Variants in FNDC3B observed in about 807,000 individuals in gnomAD.
FNDC3B encodes the protein fibronectin type III domain containing 3B.
In FNDC3B, 12 loss-of-function variants were observed where a neutral mutation model predicts 151.5. The observed-to-expected ratio is 0.08, with a 90% CI of 0.05 to 0.13. The LOEUF (loss-of-function observed/expected upper bound fraction) is 0.13. Ranked by LOEUF, FNDC3B falls within the 10% of genes least tolerant of loss-of-function variation. The probability of loss-of-function intolerance (pLI) is 1.00; values close to 1 mark genes in which losing one functional copy is unlikely to be tolerated. For synonymous variants in FNDC3B, 528 were observed against 549.0 expected (o/e 0.96, Z 0.54); for missense variants, 1,214 against 1,505.3 (o/e 0.81, Z 3.20).
At chr3:172,185,008 C>T (rs914990032) in intron 3 of FNDC3B, among the ~76,000 whole-genome samples, 10 of 152,056 alleles carry the variant, frequency 6.6e-5, no homozygotes, top group African/African-American at 2.2e-4. Flanking sequence ...TGGAAGTCAC[C>T]GTCTTAAGTG....
intron 7 of FNDC3B, among the ~76,000 whole-genome samples, chr3:172,289,886 G>A (rs950465291): frequency 6.6e-6 from 1 of 152,178 alleles, no homozygotes; most frequent in Non-Finnish European, 1.5e-5. Context: ...TCATTTCTTT[G>A]TGCCTCAGTT....
intron 9 of FNDC3B, among the ~76,000 whole-genome samples, chr3:172,305,058 T>C (rs2108239870): frequency 6.6e-6 from 1 of 152,320 alleles, no homozygotes; most frequent in East Asian, 1.9e-4. Context: ...AAGTAGATAG[T>C]AGTTTAGATA....
intron 3 of FNDC3B, among the ~76,000 whole-genome samples, chr3:172,183,289 C>T (rs1184799575): frequency 6.6e-6 from 1 of 152,208 alleles, no homozygotes; most frequent in African/African-American, 2.4e-5. Flanking sequence ...CTCCCAATTT[C>T]ACTTCCAGAG....
At chr3:172,237,679 G>A (rs1727238347) in intron 4 of FNDC3B, 1 of 152,100 alleles carries the variant, frequency 6.6e-6, no homozygotes, top group Admixed American at 6.6e-5. Context: ...AAAACTCTGG[G>A]GACTTTTTGT....
chr3:172,347,119 T>C, intron 20 of FNDC3B, 93 bp from the exon 21 acceptor site: 1 of 1,102,498 alleles, frequency 9.1e-7, no homozygotes, highest in Non-Finnish European at 1.3e-6. Context: ...TGGGGCATGT[T>C]GCTCTCTTTC....
intron 11 of FNDC3B, among the ~76,000 whole-genome samples, chr3:172,317,478 C>T (rs571789662): frequency 3.3e-5 from 5 of 152,262 alleles, no homozygotes; most frequent in Admixed American, 1.3e-4. Flanking sequence ...GCCACCACGC[C>T]CGGCCGGGGA....
chr3:172,400,023 C>G lies in FNDC3B; in HGVS notation c.*2548C>G, dbSNP rs1560118165. The G allele has an allele frequency of 6.6e-6, 1 of 152,602 alleles. No individual in the cohort carries two copies. The highest frequency in any genetic ancestry group is 2.4e-5 in the African/African-American group (1 of 41,438). 9.5% of individuals were successfully genotyped at this position (152,602 alleles called of 1,614,324 possible). ...TATTCCTTCAGTCAGAAAATTATTA[C>G]TCTCTATGGCACTGTTTTTTATCAC... On this transcript the variant is annotated 3_prime_UTR_variant, in exon 26 of 26. Transcript: ENST00000415807.
chr3:172,120,219 T>C (rs919776844), intron 2 of FNDC3B, among the ~76,000 whole-genome samples: 1 of 152,162 alleles, frequency 6.6e-6, no homozygotes, highest in Non-Finnish European at 1.5e-5. Context: ...AGATATAAGA[T>C]GTAGTCAGTA....
intron 1 of FNDC3B, among the ~76,000 whole-genome samples, chr3:172,098,661 AAAAC>A (rs1227741305): frequency 2.0e-5 from 3 of 152,206 alleles, no homozygotes; most frequent in African/African-American, 7.2e-5. Flanking sequence ...TTTTTAAAGA[AAAAC>A]AAAGCAATAC....
chr3:172,387,495 T>C (rs1380606870), intron 25 of FNDC3B, among the ~76,000 whole-genome samples: 1 of 152,218 alleles, frequency 6.6e-6, no homozygotes, highest in African/African-American at 2.4e-5. Context: ...TTTTTATTTC[T>C]GCATGAATAA....
rs141592683 is a variant in FNDC3B at position 172,319,024 on chromosome 3, G to A, written c.1254+8143G>A. ...AGTCTCAGAGATCCACACACCTGTAGCAGATTCTCTGCCTTCTCTCTTTTA... is the reference window on the plus strand; with the variant it reads ...AGTCTCAGAGATCCACACACCTGTAACAGATTCTCTGCCTTCTCTCTTTTA... On this transcript the variant is annotated intron_variant, in intron 11 of 25. Transcript: ENST00000415807. 1.3e-4 allele frequency among the ~76,000 whole-genome samples: 20 copies of A among 152,326 alleles called. No homozygotes were observed. In the East Asian group the frequency reaches 3.7e-3, roughly 28 times the overall value.
intron 3 of FNDC3B, among the ~76,000 whole-genome samples, chr3:172,215,813 A>C (rs1316849651): frequency 6.6e-6 from 1 of 152,170 alleles, no homozygotes; most frequent in Non-Finnish European, 1.5e-5. Context: ...TTTCTCTACA[A>C]AATGAGTAAA....
intron 2 of FNDC3B, among the ~76,000 whole-genome samples, chr3:172,117,315 G>T (rs1720308086): frequency 6.6e-6 from 1 of 152,136 alleles, no homozygotes; most frequent in African/African-American, 2.4e-5. Flanking sequence ...TATTATAAAT[G>T]ATGATGAATG....
chr3:172,239,180 A>C (rs1306565527), intron 4 of FNDC3B, among the ~76,000 whole-genome samples: 1 of 152,068 alleles, frequency 6.6e-6, no homozygotes, highest in African/African-American at 2.4e-5. Context: ...ACAGATGTGT[A>C]GTCCAAGCTA....
intron 3 of FNDC3B, among the ~76,000 whole-genome samples, chr3:172,213,916 G>T (rs1194956423): frequency 6.6e-6 from 1 of 152,272 alleles, no homozygotes; most frequent in Admixed American, 6.5e-5. Context: ...GTAGATGAAG[G>T]GTTGGTTTTT....
intron 3 of FNDC3B, among the ~76,000 whole-genome samples, chr3:172,141,904 G>T (rs1409435207): frequency 6.6e-6 from 1 of 152,080 alleles, no homozygotes; most frequent in Non-Finnish European, 1.5e-5. Context: ...AGTGCATTCT[G>T]TTTCTTAGGC....
chr3:172,368,666 A>C (rs145425051), intron 23 of FNDC3B, among the ~76,000 whole-genome samples: 1,752 of 152,306 alleles, frequency 0.012, 34 homozygotes, highest in African/African-American at 0.039. Flanking sequence ...TACAAAATGC[A>C]AATAATGATA....
chr3:172,370,898 C>T (rs947948597), intron 23 of FNDC3B, among the ~76,000 whole-genome samples: 1 of 152,234 alleles, frequency 6.6e-6, no homozygotes, highest in Non-Finnish European at 1.5e-5. Context: ...CTATTATCAG[C>T]ATCGTCCACC....
chr3:172,136,907 T>G (rs13067633), intron 3 of FNDC3B, among the ~76,000 whole-genome samples: 1 of 152,076 alleles, frequency 6.6e-6, no homozygotes. Context: ...TTTTTAGCAG[T>G]GACAGGATTT....
Sources: gnomAD v4.1 joint callset for allele counts (sites outside exome capture counted in the v4.1 genomes callset) on GRCh38, gnomAD v4.1.1 for gene constraint, MANE v1.5 for transcripts, NCBI Gene and HGNC (gene_info 2026-07-23, HGNC 2026-07-21) for gene names.